MAGI3: variants seen among roughly 807,000 people sequenced by gnomAD.
MAGI3 encodes membrane-associated guanylate kinase, WW and PDZ domain-containing protein 3.
A neutral mutation model predicts 121.8 loss-of-function variants in MAGI3; 43 were observed. The ratio of observed to expected loss-of-function variants is 0.35; its 90% CI spans 0.28 to 0.46. The LOEUF (loss-of-function observed/expected upper bound fraction) is 0.46, where lower values mean the gene tolerates loss of function less well. MAGI3 is among the 20% of genes least tolerant of loss of function. MAGI3 has a pLI of 1.00. For synonymous variants in MAGI3, 553 were observed against 639.3 expected (o/e 0.86, Z 2.04); for missense variants, 1,547 against 1,797.3 (o/e 0.86, Z 2.52).
chr1:113,557,693 C>A, intron 2 of MAGI3, among the ~76,000 whole-genome samples: 1 of 152,160 alleles, frequency 6.6e-6, no homozygotes, highest in East Asian at 1.9e-4. Flanking sequence ...AAGGGATCCC[C>A]AACACAACAC....
chr1:113,591,046 A>C (rs892884838), intron 5 of MAGI3, among the ~76,000 whole-genome samples: 3 of 152,090 alleles, frequency 2.0e-5, no homozygotes, highest in Non-Finnish European at 4.4e-5. Context: ...ATCCGAATTA[A>C]ATATTTTCAG....
chr1:113,448,618 C>T (rs1424731480), intron 1 of MAGI3, among the ~76,000 whole-genome samples: 1 of 152,018 alleles, frequency 6.6e-6, no homozygotes, highest in Non-Finnish European at 1.5e-5. Context: ...GTAGGTAACC[C>T]TAATTTCTTT....
chr1:113,597,680 G>A (rs1649106017), intron 6 of MAGI3, among the ~76,000 whole-genome samples: 1 of 152,158 alleles, frequency 6.6e-6, no homozygotes, highest in Admixed American at 6.5e-5. Flanking sequence ...AACCTTACAT[G>A]CCAGAAGGGA....
rs114432998 is a variant in MAGI3 at position 113,566,454 on chromosome 1, A to G, written c.434-14088A>G. ...GAGGACTTGAACAATACAAGACCAA[A>G]TGGACCTAACCGACATACAGAACAT... On this transcript the variant is annotated intron_variant, in intron 2 of 20. Coordinates refer to ENST00000307546, the MANE Select transcript of MAGI3 (RefSeq NM_001142782.2). Among the ~76,000 whole-genome samples the G allele has an allele frequency of 4.0e-3, 608 of 152,322 alleles. 2 individuals carry two copies. Among genetic ancestry groups the G allele is most frequent in the African/African-American group, 0.014 (578 of 41,580 alleles).
intron 2 of MAGI3, among the ~76,000 whole-genome samples, chr1:113,578,319 A>G (rs1046349687): frequency 1.3e-5 from 2 of 152,238 alleles, no homozygotes; most frequent in Admixed American, 1.3e-4. Flanking sequence ...GGATGAGGCA[A>G]CAGGCCCCAC....
At chr1:113,397,525 C>A (rs1651180242) in intron 1 of MAGI3, among the ~76,000 whole-genome samples, 1 of 152,088 alleles carries the variant, frequency 6.6e-6, no homozygotes, top group African/African-American at 2.4e-5. Context: ...TGTGGTCCAT[C>A]TCAATAATTT....
chr1:113,477,904 T>A (rs1263040189), intron 1 of MAGI3, among the ~76,000 whole-genome samples: 2 of 152,230 alleles, frequency 1.3e-5, no homozygotes, highest in Admixed American at 6.5e-5. Flanking sequence ...AGTCCCATAT[T>A]TCTTGGAGGC....
At chr1:113,663,086 G>A (rs180985703) in intron 16 of MAGI3, among the ~76,000 whole-genome samples, 33 of 152,142 alleles carry the variant, frequency 2.2e-4, no homozygotes, top group African/African-American at 6.7e-4. Flanking sequence ...TTAGCCAGGC[G>A]TGATGGCATG....
intron 8 of MAGI3, among the ~76,000 whole-genome samples, chr1:113,621,983 A>G (rs1302559376): frequency 6.6e-6 from 1 of 152,140 alleles, no homozygotes; most frequent in Non-Finnish European, 1.5e-5. Context: ...AATGACTGCT[A>G]ATGGGCATGG....
chr1:113,517,667 TATC>T (rs1467416770), intron 1 of MAGI3, among the ~76,000 whole-genome samples: 1 of 152,056 alleles, frequency 6.6e-6, no homozygotes, highest in African/African-American at 2.4e-5. Context: ...TAGCTTCACA[TATC>T]ATCCATATGT....
chr1:113,527,981 T>A (rs908983676), intron 1 of MAGI3, among the ~76,000 whole-genome samples: 5 of 152,200 alleles, frequency 3.3e-5, no homozygotes, highest in Admixed American at 1.3e-4. Flanking sequence ...TGTGTGTGTA[T>A]GCGTACATGT....
chr1:113,437,884 C>CTTCT (rs1553185168), intron 1 of MAGI3, among the ~76,000 whole-genome samples: 2 of 4,658 alleles, frequency 4.3e-4, no homozygotes, highest in Non-Finnish European at 7.9e-4. Context: ...TCTTCTCCTT[C>CTTCT]TCCTTCTCCT....
intron 1 of MAGI3, among the ~76,000 whole-genome samples, chr1:113,442,444 A>G (rs1164398467): frequency 1.3e-5 from 2 of 152,128 alleles, no homozygotes; most frequent in African/African-American, 2.4e-5. Flanking sequence ...TATCTAGTCT[A>G]CCATATGTGT....
intron 16 of MAGI3, among the ~76,000 whole-genome samples, chr1:113,666,396 G>A (rs573605726): frequency 6.6e-6 from 1 of 152,322 alleles, no homozygotes; most frequent in East Asian, 1.9e-4. Flanking sequence ...CATTTCAACA[G>A]TGTTCACAGC....
At chr1:113,631,159 A>G (rs115368607) in intron 9 of MAGI3, among the ~76,000 whole-genome samples, 3,295 of 152,282 alleles carry the variant, frequency 0.022, 121 homozygotes, top group African/African-American at 0.075. Context: ...TCTCCCAAGC[A>G]TGCAAATTCT....
At chr1:113,414,816 CTGTT>C (rs767950349) in intron 1 of MAGI3, among the ~76,000 whole-genome samples, 52 of 151,710 alleles carry the variant, frequency 3.4e-4, no homozygotes, top group Admixed American at 2.8e-3. Context: ...AATAATAAAA[CTGTT>C]TGGTGGGTTA....
chr1:113,673,683 G>T (rs1388781553), intron 19 of MAGI3, among the ~76,000 whole-genome samples: 3 of 152,200 alleles, frequency 2.0e-5, no homozygotes, highest in Non-Finnish European at 2.9e-5. Flanking sequence ...CCATATTGCA[G>T]TTATGCCACT....
intron 7 of MAGI3, chr1:113,618,617 T>C (rs780007537): frequency 5.3e-5 from 21 of 397,544 alleles, no homozygotes; most frequent in Non-Finnish European, 3.9e-5. Context: ...GTGAGTCTCC[T>C]ACCTCAGCTT....
At chr1:113,421,547 T>C (rs562638216) in intron 1 of MAGI3, among the ~76,000 whole-genome samples, 9 of 152,298 alleles carry the variant, frequency 5.9e-5, no homozygotes, top group Admixed American at 2.0e-4. Flanking sequence ...ATTTCTGTGA[T>C]TGTGTCTTTT....
Sources: allele counts gnomAD v4.1 joint callset (sites outside exome capture counted in the v4.1 genomes callset), GRCh38; gene constraint gnomAD v4.1.1; transcripts MANE v1.5; gene names NCBI Gene and HGNC (gene_info 2026-07-23, HGNC 2026-07-21).